The following MOB3A variants were observed in gnomAD, a reference collection of about 807,000 sequenced individuals.
MOB3A encodes MOB kinase activator 3A.
MOB3A carries 17 observed loss-of-function variants against 17.8 expected under a neutral mutation model. That is an observed-to-expected ratio of 0.95 (90% CI 0.65 to 1.43). MOB3A has a LOEUF of 1.43. Ranked by LOEUF, MOB3A falls within the 40% of genes most tolerant of loss-of-function variation. The pLI, the probability that MOB3A is intolerant of heterozygous loss-of-function variation, is 0.00. For missense variants in MOB3A, 333 were observed against 310.8 expected, an observed-to-expected ratio of 1.07 and a Z score of -0.54; for synonymous variants, 124 against 133.2, an observed-to-expected ratio of 0.93 and a Z score of 0.48.
intron 4 of MOB3A, 46 bp downstream of exon 4, chr19:2,076,765 A>G (rs2145719330): frequency 6.3e-7 from 1 of 1,590,844 alleles, no homozygotes; most frequent in Non-Finnish European, 8.6e-7. Context: ...GCCACGGGCC[A>G]CCAGCCCCAC....
At chr19:2,088,756 C>T (rs1360093411) in intron 1 of MOB3A, among the ~76,000 whole-genome samples, 3 of 152,148 alleles carry the variant, frequency 2.0e-5, no homozygotes, top group Non-Finnish European at 4.4e-5. Flanking sequence ...GCATGAGCCA[C>T]CACACCCGGC....
Position 2,076,835 on chromosome 19 carries a change from G to C in MOB3A, c.600C>G (p.Ile200Met). ...FYYFVKEFGL[I>M]DTKELEPLKE... ...CCAGTGGCTCCAGCTCCTTGGTGTCGATGAGGCCGAACTCCTTGACGAAAT... is the reference window on the plus strand; with the variant it reads ...CCAGTGGCTCCAGCTCCTTGGTGTCCATGAGGCCGAACTCCTTGACGAAAT... The change falls in exon 4 of 5, where the codon ATC (isoleucine) becomes ATG (methionine). Residue 200 changes from isoleucine (I) to methionine (M), a missense_variant. Physicochemically the swap from Ile to Met is conservative, Grantham distance 10. Transcript: ENST00000357066. 1 of 1,613,904 alleles carries C rather than the reference G, an allele frequency of 6.2e-7. No homozygotes were observed. Among genetic ancestry groups the C allele is most frequent in the Non-Finnish European group, 8.5e-7 (1 of 1,180,012 alleles).
intron 4 of MOB3A, 119 bp downstream of exon 4, chr19:2,076,692 G>A: frequency 3.9e-6 from 4 of 1,018,638 alleles, no homozygotes; most frequent in Non-Finnish European, 4.3e-6. Flanking sequence ...AACTCCAGCC[G>A]GGGCCGCCAG....
At chr19:2,087,946 G>A (rs1201225378) in intron 1 of MOB3A, among the ~76,000 whole-genome samples, 1 of 152,214 alleles carries the variant, frequency 6.6e-6, no homozygotes, top group East Asian at 1.9e-4. Context: ...TCTGAACGTG[G>A]GGGCAGGAGC....
chr19:2,094,894 G>C (rs1345460773), intron 1 of MOB3A, among the ~76,000 whole-genome samples: 2 of 152,246 alleles, frequency 1.3e-5, no homozygotes, highest in Admixed American at 1.3e-4. Context: ...GTGTGGGCCG[G>C]GCGCGGTGGC....
chr19:2,073,327 C>T lies in MOB3A; in HGVS notation c.*68G>A. ...CCGGAGAGAAGCGGGATGATGGTTC[C>T]AGAGCGTCCTCCTCCAAGTCTCCGA... On this transcript the variant is annotated 3_prime_UTR_variant, in exon 5 of 5. Coordinates refer to ENST00000357066, the MANE Select transcript of MOB3A (RefSeq NM_130807.3). 6.3e-7 allele frequency: 1 copy of T among 1,588,000 alleles called. No homozygotes were observed. Among genetic ancestry groups the T allele is most frequent in the Non-Finnish European group, 8.6e-7 (1 of 1,159,968 alleles).
chr19:2,080,768 C>T (rs1209237799), intron 2 of MOB3A, among the ~76,000 whole-genome samples: 1 of 152,130 alleles, frequency 6.6e-6, no homozygotes, highest in Non-Finnish European at 1.5e-5. Context: ...TCACAAATCA[C>T]CACAAATTTC....
At chr19:2,073,575 C>G in intron 4 of MOB3A, 151 bp from the exon 5 acceptor site, 1 of 955,822 alleles carries the variant, frequency 1.0e-6, no homozygotes, top group Admixed American at 2.0e-5. Context: ...GGCAATGGCA[C>G]ACCTGAGACC....
chr19:2,077,651 C>T (rs951700800), intron 3 of MOB3A, among the ~76,000 whole-genome samples: 8 of 151,914 alleles, frequency 5.3e-5, no homozygotes, highest in Non-Finnish European at 1.0e-4. Context: ...GTCTCCTCTG[C>T]GAAGGACTCC....
chr19:2,084,243 T>C (rs781687541), intron 2 of MOB3A: 20 of 449,156 alleles, frequency 4.5e-5, no homozygotes, highest in African/African-American at 3.4e-4. Context: ...CTGTAATCCC[T>C]GCACTTTGGG....
intron 1 of MOB3A, among the ~76,000 whole-genome samples, chr19:2,094,776 C>G (rs2017652473): frequency 6.6e-6 from 1 of 152,262 alleles, no homozygotes; most frequent in South Asian, 2.1e-4. Context: ...ACAATGTCAA[C>G]ATTTATCCAA....
intron 4 of MOB3A, among the ~76,000 whole-genome samples, chr19:2,074,052 G>A (rs975518626): frequency 6.6e-6 from 1 of 151,944 alleles, no homozygotes. Context: ...AAACAACTTT[G>A]GGAGGCTGAG....
intron 1 of MOB3A, among the ~76,000 whole-genome samples, chr19:2,090,789 G>A (rs972530176): frequency 5.3e-5 from 8 of 151,840 alleles, no homozygotes; most frequent in South Asian, 4.2e-4. Flanking sequence ...TCAGCCTCCC[G>A]AGTAGCTGGG....
At position 2,072,687 on chromosome 19, in the gene MOB3A, C is replaced by T. The variant is rs2017353043; in HGVS notation, c.*708G>A. 2.6e-5 allele frequency: 4 copies of T among 151,100 alleles called. No individual in the cohort carries two copies. Among genetic ancestry groups the T allele is most frequent in the Admixed American group, 6.6e-5 (1 of 15,108 alleles). 9.4% of individuals were successfully genotyped at this position (151,100 alleles called of 1,614,324 possible). A position where few individuals can be genotyped will look rare whatever the true frequency, so the allele number is the denominator to read the frequency against. On this transcript the variant is annotated 3_prime_UTR_variant, in exon 5 of 5. Coordinates refer to ENST00000357066, the MANE Select transcript of MOB3A (RefSeq NM_130807.3). ...CTGTGATTCCAGCACTTTGGGAGGC[C>T]GAGGATGGAGGATCACTGGAGGCCA...
At chr19:2,094,856 G>C (rs754369587) in intron 1 of MOB3A, among the ~76,000 whole-genome samples, 1 of 152,220 alleles carries the variant, frequency 6.6e-6, no homozygotes, top group African/African-American at 2.4e-5. Context: ...AGGAGAAAAC[G>C]AAGAAAAAAG....
At chr19:2,094,381 A>G (rs1397739255) in intron 1 of MOB3A, among the ~76,000 whole-genome samples, 1 of 152,002 alleles carries the variant, frequency 6.6e-6, no homozygotes, top group Non-Finnish European at 1.5e-5. Flanking sequence ...CAGCAAACCA[A>G]CCAACCGAAC....
At chr19:2,077,992 C>G in intron 3 of MOB3A, 148 bp downstream of exon 3, 1 of 800,182 alleles carries the variant, frequency 1.2e-6, no homozygotes, top group Non-Finnish European at 1.9e-6. Context: ...GCTATGTTGC[C>G]CAGGCTGAGC....
intron 2 of MOB3A, among the ~76,000 whole-genome samples, chr19:2,079,279 T>C (rs543537669): frequency 6.6e-6 from 1 of 152,278 alleles, no homozygotes; most frequent in East Asian, 1.9e-4. Flanking sequence ...GGGGCTTGAG[T>C]GTGGGGCAGG....
chr19:2,088,190 G>A (rs369417935), intron 1 of MOB3A, among the ~76,000 whole-genome samples: 45 of 152,314 alleles, frequency 3.0e-4, no homozygotes, highest in African/African-American at 1.0e-3. Flanking sequence ...CCAGTGCCCT[G>A]CAGTGCCCAG....
Sources: gnomAD v4.1 joint callset for allele counts (sites outside exome capture counted in the v4.1 genomes callset) on GRCh38, gnomAD v4.1.1 for gene constraint, MANE v1.5 for transcripts, NCBI Gene and HGNC (gene_info 2026-07-23, HGNC 2026-07-21) for gene names.